PRR16: variants seen among roughly 807,000 people sequenced by gnomAD.
PRR16 encodes proline rich 16.
Under a neutral mutation model 18.2 loss-of-function variants are expected in PRR16, and 6 were observed. The ratio of observed to expected loss-of-function variants is 0.33; its 90% CI spans 0.18 to 0.65. PRR16 has a LOEUF of 0.65. Among genes scored for constraint, PRR16 ranks in the 30% least tolerant of loss-of-function variants. PRR16 has a pLI of 0.74. For synonymous variants in PRR16, 151 were observed against 147.8 expected (o/e 1.02, Z -0.16); for missense variants, 412 against 376.6 (o/e 1.09, Z -0.78).
intron 1 of PRR16, among the ~76,000 whole-genome samples, chr5:120,611,500 T>G (rs1436659678): frequency 6.6e-6 from 1 of 152,156 alleles, no homozygotes; most frequent in African/African-American, 2.4e-5. Context: ...GCCTAGGGAC[T>G]TGGTGCCCTG....
chr5:120,740,216 T>G, the PRR16 span, among the ~76,000 whole-genome samples: 1 of 152,190 alleles, frequency 6.6e-6, no homozygotes, highest in African/African-American at 2.4e-5. Flanking sequence ...ATTTCTCTTC[T>G]CTTCTTACTG....
intron 1 of PRR16, chr5:120,481,290 C>A: frequency 4.5e-6 from 2 of 449,092 alleles, no homozygotes; most frequent in Non-Finnish European, 4.4e-6. Flanking sequence ...GCCACTACGC[C>A]TGGGTAAGTT....
chr5:120,553,716 TTGTG>T (rs965487981), intron 1 of PRR16, among the ~76,000 whole-genome samples: 1 of 151,878 alleles, frequency 6.6e-6, no homozygotes, highest in Non-Finnish European at 1.5e-5. Flanking sequence ...GCAATTCTGA[TTGTG>T]TGTTGAATTT....
chr5:120,764,626 T>C, the PRR16 span, among the ~76,000 whole-genome samples: 1 of 152,040 alleles, frequency 6.6e-6, no homozygotes, highest in Non-Finnish European at 1.5e-5. Flanking sequence ...TTTAAATCCT[T>C]GATTAATCAA....
rs576684699 is a variant in PRR16, at chr5:120,676,520, A to G, written c.160-9434A>G. Among the ~76,000 whole-genome samples the G allele has an allele frequency of 9.2e-4, 114 of 123,638 alleles. 1 individual carries two copies. The South Asian group carries it at 0.016, about 17-fold the overall frequency. 81.1% of individuals were successfully genotyped at this position (123,638 alleles called of 152,430 possible). A position where few individuals can be genotyped will look rare whatever the true frequency, so the allele number is the denominator to read the frequency against. On this transcript the variant is annotated intron_variant, in intron 1 of 1. Coordinates refer to ENST00000407149, the MANE Select transcript of PRR16 (RefSeq NM_001300783.2). ...TTATGTTTATTTTATATATATATAT[A>G]TATGTGTGTGTGTGTGTGTGTGTGT...
the PRR16 span, among the ~76,000 whole-genome samples, chr5:120,792,548 G>T: frequency 6.6e-6 from 1 of 151,786 alleles, no homozygotes; most frequent in Non-Finnish European, 1.5e-5. Context: ...TTTTTATCTC[G>T]AAATGCCAAT....
At chr5:120,732,087 A>G in the PRR16 span, among the ~76,000 whole-genome samples, 2 of 152,224 alleles carry the variant, frequency 1.3e-5, no homozygotes, top group African/African-American at 4.8e-5. Context: ...GACATTGCAC[A>G]GATTTGGATG....
intron 1 of PRR16, among the ~76,000 whole-genome samples, chr5:120,625,805 G>A (rs1044715840): frequency 5.7e-5 from 8 of 139,428 alleles, no homozygotes; most frequent in South Asian, 2.2e-4. Context: ...ATGTATTTAC[G>A]TGATGATCTG....
the PRR16 span, among the ~76,000 whole-genome samples, chr5:120,754,222 A>ATATAT: frequency 1.8e-4 from 11 of 61,388 alleles, no homozygotes; most frequent in South Asian, 9.9e-4. Flanking sequence ...ATATTATAAT[A>ATATAT]TATAATATAA....
At chr5:120,523,128 A>G (rs563759215) in intron 1 of PRR16, among the ~76,000 whole-genome samples, 14 of 152,150 alleles carry the variant, frequency 9.2e-5, no homozygotes, top group Non-Finnish European at 1.2e-4. Context: ...TTGCTTTTAA[A>G]TCTTTCATTT....
the PRR16 span, among the ~76,000 whole-genome samples, chr5:120,752,324 T>C: frequency 6.6e-6 from 1 of 152,006 alleles, no homozygotes; most frequent in Non-Finnish European, 1.5e-5. Flanking sequence ...GGTTACAGAA[T>C]AGATAACAGT....
At chr5:120,547,383 G>C (rs1371067509) in intron 1 of PRR16, among the ~76,000 whole-genome samples, 2 of 151,914 alleles carry the variant, frequency 1.3e-5, no homozygotes, top group Non-Finnish European at 2.9e-5. Context: ...GTAAATTCTT[G>C]GTATATAATC....
chr5:120,733,704 C>T, the PRR16 span, among the ~76,000 whole-genome samples: 1 of 152,096 alleles, frequency 6.6e-6, no homozygotes, highest in Non-Finnish European at 1.5e-5. Flanking sequence ...AATACAGAAC[C>T]TTTAGAATCC....
chr5:120,606,109 G>C (rs1375354857), intron 1 of PRR16, among the ~76,000 whole-genome samples: 1 of 152,210 alleles, frequency 6.6e-6, no homozygotes, highest in African/African-American at 2.4e-5. Flanking sequence ...TGGTGGGACA[G>C]TCATGGGCAC....
intron 1 of PRR16, among the ~76,000 whole-genome samples, chr5:120,570,925 C>T (rs1752886087): frequency 6.6e-6 from 1 of 151,756 alleles, no homozygotes; most frequent in African/African-American, 2.4e-5. Flanking sequence ...AGGAAATAAA[C>T]AAGTGAATAG....
the PRR16 span, chr5:120,781,290 T>G: frequency 6.6e-6 from 1 of 152,020 alleles, no homozygotes; most frequent in African/African-American, 2.4e-5. Context: ...ATACAAATTT[T>G]TAAAATATAA....
At chr5:120,529,898 T>G (rs1187182766) in intron 1 of PRR16, among the ~76,000 whole-genome samples, 2 of 151,908 alleles carry the variant, frequency 1.3e-5, no homozygotes, top group Non-Finnish European at 2.9e-5. Flanking sequence ...GTAAACACAA[T>G]ACAGCAGGCT....
At chr5:120,640,732 T>G (rs902858338) in intron 1 of PRR16, among the ~76,000 whole-genome samples, 2 of 152,126 alleles carry the variant, frequency 1.3e-5, no homozygotes, top group Non-Finnish European at 1.5e-5. Flanking sequence ...TACTGTCAAA[T>G]GACTTCACTA....
intron 1 of PRR16, among the ~76,000 whole-genome samples, chr5:120,538,016 T>G (rs1024870068): frequency 1.3e-5 from 2 of 151,954 alleles, no homozygotes; most frequent in Non-Finnish European, 2.9e-5. Context: ...GACCTCGTGA[T>G]CCGCCCGCCT....
Sources: gnomAD v4.1 joint callset for allele counts (sites outside exome capture counted in the v4.1 genomes callset) on GRCh38, gnomAD v4.1.1 for gene constraint, MANE v1.5 for transcripts, NCBI Gene and HGNC (gene_info 2026-07-23, HGNC 2026-07-21) for gene names.